INPP5K: variants seen among roughly 807,000 people sequenced by gnomAD.
The protein encoded by INPP5K is inositol polyphosphate 5-phosphatase K.
Under a neutral mutation model 53.5 loss-of-function variants are expected in INPP5K, and 35 were observed. That is an observed-to-expected ratio of 0.65 (90% CI 0.50 to 0.87). INPP5K has a LOEUF of 0.87. Ranked by LOEUF, INPP5K falls within the 40% of genes least tolerant of loss-of-function variation. The pLI is 0.00. For missense variants in INPP5K, 550 were observed against 586.2 expected, an observed-to-expected ratio of 0.94 and a Z score of 0.64; for synonymous variants, 253 against 232.8, an observed-to-expected ratio of 1.09 and a Z score of -0.79.
At chr17:1,507,422 C>A (rs997699926) in intron 6 of INPP5K, 6 of 292,820 alleles carry the variant, frequency 2.0e-5, no homozygotes, top group African/African-American at 1.3e-4. Flanking sequence ...CAGGGTTCTC[C>A]AAAGGGGCAC....
intron 7 of INPP5K, among the ~76,000 whole-genome samples, chr17:1,501,005 C>T (rs1272261007): frequency 2.7e-5 from 4 of 147,822 alleles, no homozygotes; most frequent in Non-Finnish European, 4.4e-5. Flanking sequence ...ATCGCCCAGG[C>T]TGGAGTGCAG....
intron 7 of INPP5K, among the ~76,000 whole-genome samples, chr17:1,506,538 CCTA>C (rs1239712533): frequency 6.6e-6 from 1 of 152,198 alleles, no homozygotes; most frequent in African/African-American, 2.4e-5. Context: ...AAACTCTCTA[CCTA>C]CTACTTCACC....
chr17:1,509,723 A>G lies in INPP5K; in HGVS notation c.338T>C (p.Leu113Pro). 2 of 1,613,716 alleles carry G rather than the reference A, an allele frequency of 1.2e-6. No individual in the cohort carries two copies. Among genetic ancestry groups the G allele is most frequent in the East Asian group, 2.2e-5 (1 of 44,886 alleles). ...GCCAGTGGGGGTGGATTTAGTAGAC[A>G]GAATCTGGATATAGGGCAAATGCTG... ...KYQHLPYIQILSTKSTPTGLF... is the reference protein window; with the variant it reads ...KYQHLPYIQIPSTKSTPTGLF... The change falls in exon 4 of 12, where the codon CTG (leucine) becomes CCG (proline). Residue 113 changes from leucine (L) to proline (P), a missense_variant. Leu to Pro is a moderately conservative substitution (Grantham distance 98, BLOSUM62 -3). Transcript: ENST00000421807.
At chr17:1,504,606 C>T (rs1475149882) in intron 7 of INPP5K, among the ~76,000 whole-genome samples, 1 of 152,188 alleles carries the variant, frequency 6.6e-6, no homozygotes, top group African/African-American at 2.4e-5. Context: ...AATCCTCGTG[C>T]GATGAAGAAG....
At chr17:1,516,404 G>C in intron 1 of INPP5K, 52 bp downstream of exon 1, 1 of 1,550,912 alleles carries the variant, frequency 6.4e-7, no homozygotes, top group South Asian at 1.2e-5. Context: ...CGCAGCCCAA[G>C]GGGCGCCGAT....
At chr17:1,515,629 T>A in intron 1 of INPP5K, 1 of 978,188 alleles carries the variant, frequency 1.0e-6, no homozygotes, top group South Asian at 4.7e-5. Context: ...AAAGGGCAGT[T>A]AATGCCAAAA....
chr17:1,495,529 G>A lies in INPP5K; in HGVS notation c.*294C>T, dbSNP rs905963765. The A allele has an allele frequency of 1.0e-5, 4 of 393,434 alleles. No individual in the cohort carries two copies. The South Asian group carries it at 1.3e-4, about 13-fold the overall frequency. 24.4% of individuals were successfully genotyped at this position (393,434 alleles called of 1,614,324 possible). On this transcript the variant is annotated 3_prime_UTR_variant, in exon 12 of 12. Coordinates refer to ENST00000421807, the MANE Select transcript of INPP5K (RefSeq NM_016532.4). ...GACTACTTGGGCAAGACTAGAAGAG[G>A]GGGTAGGAATCCAGAAATGAGACGC...
chr17:1,495,743 GC>G lies in INPP5K; in HGVS notation c.*79del. On this transcript the variant is annotated 3_prime_UTR_variant, in exon 12 of 12. Coordinates refer to ENST00000421807, the MANE Select transcript of INPP5K (RefSeq NM_016532.4). Reference sequence around the variant, plus strand: ...CTGTCTCTTCAGGGGGCCAGGCTGGGCCCCCAGCACTCCCGGCAGTGGAAAG... The same window carrying G: ...CTGTCTCTTCAGGGGGCCAGGCTGGGCCCCAGCACTCCCGGCAGTGGAAAG... The G allele has an allele frequency of 3.9e-6, 4 of 1,028,646 alleles. No homozygotes were observed. The highest frequency in any genetic ancestry group is 4.5e-6 in the Non-Finnish European group (3 of 672,276). 63.7% of individuals were successfully genotyped at this position (1,028,646 alleles called of 1,614,324 possible). A position where few individuals can be genotyped will look rare whatever the true frequency, so the allele number is the denominator to read the frequency against.
intron 7 of INPP5K, among the ~76,000 whole-genome samples, chr17:1,498,614 T>C (rs1315836732): frequency 6.6e-6 from 1 of 152,124 alleles, no homozygotes. Context: ...TTAATTTTAT[T>C]TTTTTAAAGA....
chr17:1,496,765 C>T lies in INPP5K; in HGVS notation c.1002G>A (p.Met334Ile), dbSNP rs1413525567. The part of the protein sequence containing the change: ...PLVSAPLIVL[M>I]PEDLWTVEND... ...TTTCCACGGTCCACAGGTCCTCGGG[C>T]ATCAGGACGATCAGCGGAGCAGACA... The change falls in exon 9 of 12, where the codon ATG (methionine) becomes ATA (isoleucine). Residue 334 changes from methionine to isoleucine, a missense_variant. Coordinates refer to ENST00000421807, the MANE Select transcript of INPP5K (RefSeq NM_016532.4). 1 of 1,614,080 alleles carries T rather than the reference C, an allele frequency of 6.2e-7. No homozygotes were observed. Among genetic ancestry groups the T allele is most frequent in the East Asian group, 2.2e-5 (1 of 44,904 alleles).
intron 3 of INPP5K, among the ~76,000 whole-genome samples, chr17:1,510,228 T>C (rs2075276094): frequency 6.6e-6 from 1 of 152,256 alleles, no homozygotes; most frequent in Admixed American, 6.5e-5. Context: ...AGCATTCTTT[T>C]TTTTTTGAGA....
At chr17:1,509,396 T>G in intron 4 of INPP5K, 43 bp from the exon 5 acceptor site, 1 of 1,569,992 alleles carries the variant, frequency 6.4e-7, no homozygotes, top group Admixed American at 1.7e-5. Context: ...CTACTCGGGT[T>G]GGACACACCC....
intron 7 of INPP5K, among the ~76,000 whole-genome samples, chr17:1,500,587 G>A (rs138022765): frequency 6.6e-6 from 1 of 152,088 alleles, no homozygotes; most frequent in African/African-American, 2.4e-5. Flanking sequence ...GGATGGTCTT[G>A]ATCTCCTGAC....
chr17:1,497,870 G>C, intron 8 of INPP5K, 66 bp downstream of exon 8: 2 of 1,398,594 alleles, frequency 1.4e-6, no homozygotes, highest in Non-Finnish European at 2.0e-6. Context: ...TCCAGGGATG[G>C]AGGGCTTGGG....
chr17:1,507,141 C>T (rs759460469), intron 6 of INPP5K, 52 bp from the exon 7 acceptor site: 2 of 1,349,754 alleles, frequency 1.5e-6, no homozygotes, highest in South Asian at 1.2e-5. Flanking sequence ...CCCAGTGGCC[C>T]AGTACCACAC....
chr17:1,515,807 G>T, intron 1 of INPP5K: 2 of 770,110 alleles, frequency 2.6e-6, no homozygotes, highest in Non-Finnish European at 3.2e-6. Context: ...AGCTTCATTT[G>T]TTTACGATCT....
Position 1,508,271 on chromosome 17 carries a change from G to A in INPP5K, c.555-45C>T, listed in dbSNP as rs760494361. On this transcript the variant is annotated intron_variant, in intron 5 of 11. Transcript: ENST00000421807. The stretch of plus-strand genomic sequence containing the variant: ...CAGCCTGAGGATTTGTGATGAAGTC[G>A]GGGAAGGGAGATCACCAGGTGGCTC... The A allele has an allele frequency of 9.6e-6, 14 of 1,463,000 alleles. No homozygotes were observed. In the East Asian group the frequency reaches 1.8e-4, roughly 19 times the overall value. The allele number at this position is 1,463,000 out of a possible 1,614,324, so 90.6% of individuals were successfully genotyped here.
At chr17:1,504,228 G>C (rs1294838560) in intron 7 of INPP5K, among the ~76,000 whole-genome samples, 1 of 152,202 alleles carries the variant, frequency 6.6e-6, no homozygotes, top group African/African-American at 2.4e-5. Flanking sequence ...CAGTAAGAAA[G>C]GTACGCTGTG....
In INPP5K at chr17:1,506,171, G is replaced by A. The variant is rs548048706; in HGVS notation, c.776+809C>T. On this transcript the variant is annotated intron_variant, in intron 7 of 11. Transcript: ENST00000421807. Reference sequence around the variant, plus strand: ...CCTGAGTAGCTGGGATTACAGGTGCGCGCTACCATGCCCAGCTAATTTTTG... The same window carrying A: ...CCTGAGTAGCTGGGATTACAGGTGCACGCTACCATGCCCAGCTAATTTTTG... 2.1e-4 allele frequency among the ~76,000 whole-genome samples: 32 copies of A among 152,074 alleles called. No homozygotes were observed. The South Asian group carries it at 3.3e-3, about 16-fold the overall frequency.
Sources: allele counts gnomAD v4.1 joint callset (sites outside exome capture counted in the v4.1 genomes callset), GRCh38; gene constraint gnomAD v4.1.1; transcripts MANE v1.5; gene names NCBI Gene and HGNC (gene_info 2026-07-23, HGNC 2026-07-21).